BCAR3: variants seen among roughly 807,000 people sequenced by gnomAD.
BCAR3 encodes BCAR3 adaptor protein, NSP family member.
In BCAR3, 37 loss-of-function variants were observed where a neutral mutation model predicts 80.1. The observed-to-expected ratio is 0.46, with a 90% CI of 0.36 to 0.61. BCAR3 has a LOEUF of 0.61. BCAR3 is among the 20% of genes least tolerant of loss of function. The probability of loss-of-function intolerance (pLI) is 0.00; values close to 1 mark genes in which losing one functional copy is unlikely to be tolerated. For synonymous variants in BCAR3, 389 were observed against 418.9 expected (o/e 0.93, Z 0.87); for missense variants, 978 against 1,068.2 (o/e 0.92, Z 1.18).
intron 3 of BCAR3, among the ~76,000 whole-genome samples, chr1:93,618,462 G>A (rs2101887049): frequency 6.6e-6 from 1 of 152,260 alleles, no homozygotes; most frequent in East Asian, 1.9e-4. Flanking sequence ...CTCTCTGCTG[G>A]GCCTTCTGTC....
chr1:93,613,029 G>A (rs1675001805), intron 3 of BCAR3, among the ~76,000 whole-genome samples: 1 of 152,218 alleles, frequency 6.6e-6, no homozygotes, highest in Non-Finnish European at 1.5e-5. Flanking sequence ...GGTAATGAAT[G>A]AGCCAGTCCC....
intron 3 of BCAR3, among the ~76,000 whole-genome samples, chr1:93,625,268 G>A (rs1675423816): frequency 6.6e-6 from 1 of 152,164 alleles, no homozygotes; most frequent in African/African-American, 2.4e-5. Flanking sequence ...ATTCCAAACT[G>A]GGAGAGGCTT....
intron 3 of BCAR3, among the ~76,000 whole-genome samples, chr1:93,630,138 T>A (rs1675569125): frequency 6.6e-6 from 1 of 152,182 alleles, no homozygotes; most frequent in African/African-American, 2.4e-5. Flanking sequence ...GGATGCCCCA[T>A]TTACCCTGAT....
At chr1:93,720,260 A>G (rs1380476509) in intron 2 of BCAR3, 1 of 152,236 alleles carries the variant, frequency 6.6e-6, no homozygotes, top group Non-Finnish European at 1.5e-5. Flanking sequence ...CTTCCCCTGC[A>G]CATTGCATCT....
At chr1:93,699,356 T>TTGG (rs2101971086) in intron 3 of BCAR3, among the ~76,000 whole-genome samples, 1 of 152,292 alleles carries the variant, frequency 6.6e-6, no homozygotes, top group East Asian at 1.9e-4. Flanking sequence ...TTGAAGCCAA[T>TTGG]CTCCCTACAG....
At chr1:93,764,268 C>T (rs1465696631) in intron 2 of BCAR3, among the ~76,000 whole-genome samples, 2 of 152,030 alleles carry the variant, frequency 1.3e-5, no homozygotes, top group Admixed American at 6.6e-5. Flanking sequence ...TCTTCTCATT[C>T]CTTCCTGTGA....
At chr1:93,741,489 G>T (rs1278943850) in intron 2 of BCAR3, among the ~76,000 whole-genome samples, 2 of 152,198 alleles carry the variant, frequency 1.3e-5, no homozygotes, top group African/African-American at 2.4e-5. Context: ...AGGATTAAAT[G>T]AGCTAATATT....
At chr1:93,722,492 C>G (rs903721391) in intron 2 of BCAR3, among the ~76,000 whole-genome samples, 3 of 152,236 alleles carry the variant, frequency 2.0e-5, no homozygotes, top group Admixed American at 6.5e-5. Context: ...CACCTCTGCA[C>G]ACTCTAAGCC....
chr1:93,616,588 A>G (rs1675135825), intron 3 of BCAR3, among the ~76,000 whole-genome samples: 1 of 152,242 alleles, frequency 6.6e-6, no homozygotes, highest in African/African-American at 2.4e-5. Context: ...CTGATCACAT[A>G]GAAACACAAA....
intron 2 of BCAR3, among the ~76,000 whole-genome samples, chr1:93,776,605 A>G (rs961101857): frequency 3.3e-5 from 5 of 152,146 alleles, no homozygotes; most frequent in Admixed American, 2.6e-4. Flanking sequence ...TTTCCTTGCA[A>G]TTTATTTGTT....
At chr1:93,655,252 T>C (rs1647315249) in intron 2 of BCAR3, among the ~76,000 whole-genome samples, 1 of 152,090 alleles carries the variant, frequency 6.6e-6, no homozygotes, top group Admixed American at 6.5e-5. Flanking sequence ...CAGAGATTTG[T>C]GTTTTTGAAA....
intron 11 of BCAR3, among the ~76,000 whole-genome samples, chr1:93,563,316 T>G (rs1672780028): frequency 6.6e-6 from 1 of 152,224 alleles, no homozygotes; most frequent in South Asian, 2.1e-4. Flanking sequence ...ATGAACTTTT[T>G]AATGTGTGAC....
intron 2 of BCAR3, among the ~76,000 whole-genome samples, chr1:93,828,529 A>G (rs1485001544): frequency 6.6e-6 from 1 of 152,168 alleles, no homozygotes; most frequent in African/African-American, 2.4e-5. Context: ...AATGCTACAC[A>G]GTAAGACCAA....
rs1672990826 is a variant in BCAR3, at chr1:93,567,282, C to T, written c.2296G>A (p.Ala766Thr). The change falls in exon 11 of 12, where the codon GCA becomes ACA. Residue 766 changes from alanine to threonine, a missense_variant. Coordinates refer to ENST00000260502, the MANE Select transcript of BCAR3 (RefSeq NM_003567.4). ...SYRMNAERIL[A>T]GFQPDEEMNE... ...GCTTACAAAACCCATCTCTTACCTG[C>T]CAGGATCCTCTCAGCATTCATCCGG... The T allele has an allele frequency of 6.2e-7, 1 of 1,613,834 alleles. No individual in the cohort carries two copies. Among genetic ancestry groups the T allele is most frequent in the Admixed American group, 1.7e-5 (1 of 60,010 alleles).
At chr1:93,640,938 C>A (rs183294588) in intron 3 of BCAR3, among the ~76,000 whole-genome samples, 28 of 152,322 alleles carry the variant, frequency 1.8e-4, no homozygotes, top group Admixed American at 3.9e-4. Flanking sequence ...CTGCAGAATT[C>A]TAGAGTGCAT....
At chr1:93,845,711 C>G (rs1655151776) in exon 2 of BCAR3, 1 of 151,974 alleles carries the variant, frequency 6.6e-6, no homozygotes, top group African/African-American at 2.4e-5. Context: ...GGTAATGTCT[C>G]CCTATGGAAC....
At chr1:93,564,765 T>G (rs575241650) in intron 11 of BCAR3, among the ~76,000 whole-genome samples, 7 of 152,348 alleles carry the variant, frequency 4.6e-5, no homozygotes, top group African/African-American at 1.7e-4. Flanking sequence ...TGCAGGATTA[T>G]ACTTTATCCA....
intron 2 of BCAR3, among the ~76,000 whole-genome samples, chr1:93,765,585 A>G (rs1329432333): frequency 6.6e-6 from 1 of 151,940 alleles, no homozygotes; most frequent in Non-Finnish European, 1.5e-5. Context: ...TCACCTCTCA[A>G]AGTTTCCTCC....
At chr1:93,587,615 A>G (rs1673996899) in intron 5 of BCAR3, among the ~76,000 whole-genome samples, 1 of 151,824 alleles carries the variant, frequency 6.6e-6, no homozygotes, top group Admixed American at 6.6e-5. Flanking sequence ...TGTCATTTAC[A>G]TTCCACACAG....
Sources: allele counts gnomAD v4.1 joint callset (sites outside exome capture counted in the v4.1 genomes callset), GRCh38; gene constraint gnomAD v4.1.1; transcripts MANE v1.5; gene names NCBI Gene and HGNC (gene_info 2026-07-23, HGNC 2026-07-21).